IQSEC1: variants seen among roughly 807,000 people sequenced by gnomAD.
IQSEC1 encodes the protein IQ motif and SEC7 domain-containing protein 1.
In IQSEC1, 31 loss-of-function variants were observed where a neutral mutation model predicts 91.0. The observed-to-expected ratio is 0.34, with a 90% CI of 0.26 to 0.46. IQSEC1 has a LOEUF of 0.46. Among genes scored for constraint, IQSEC1 ranks in the 20% least tolerant of loss-of-function variants. The probability of loss-of-function intolerance (pLI) is 1.00; values close to 1 mark genes in which losing one functional copy is unlikely to be tolerated. For missense variants in IQSEC1, 1,388 were observed against 1,575.6 expected (o/e 0.88, Z 2.02); for synonymous variants, 699 against 662.6 (o/e 1.05, Z -0.84).
chr3:13,075,277 C>T (rs1705545702), upstream of IQSEC1, among the ~76,000 whole-genome samples: 1 of 152,140 alleles, frequency 6.6e-6, no homozygotes, highest in Admixed American at 6.5e-5. Flanking sequence ...TTCTCAGAAG[C>T]GCCCTACGAA....
rs529962759 is a variant in IQSEC1 at position 13,060,353 on chromosome 3, C to A, written c.23+12639G>T. On this transcript the variant is annotated intron_variant, in intron 1 of 13. Transcript: ENST00000613206. ...GAGTAGGAAGGCTGAAGAGGGCAGG[C>A]AATGGCTGAGTCCTGCAGTGAACAG... Among the ~76,000 whole-genome samples the A allele has an allele frequency of 2.7e-3, 407 of 152,250 alleles. 1 individual carries two copies. Among genetic ancestry groups the A allele is most frequent in the African/African-American group, 8.7e-3 (363 of 41,556 alleles).
At chr3:12,932,901 G>A (rs904906650) in intron 3 of IQSEC1, among the ~76,000 whole-genome samples, 5 of 152,208 alleles carry the variant, frequency 3.3e-5, no homozygotes, top group Admixed American at 6.5e-5. Context: ...GGTAGACCTC[G>A]GCAGCCCCCG....
intron 12 of IQSEC1, among the ~76,000 whole-genome samples, chr3:12,903,771 A>G (rs2600324): frequency 0.39 from 59,889 of 151,852 alleles, 12,308 homozygotes; most frequent in East Asian, 0.66. Flanking sequence ...GAAGAGGGAG[A>G]GAGAAACAGT....
rs1189811819 is a variant in IQSEC1 at position 12,940,585 on chromosome 3, CT to C, written c.318+985del. Among the ~76,000 whole-genome samples the C allele has an allele frequency of 1.3e-5, 2 of 151,642 alleles. No individual in the cohort carries two copies. The highest frequency in any genetic ancestry group is 4.8e-5 in the African/African-American group (2 of 41,244). ...GGCCAGCAGGGGCAGAGGCAGCTGC[CT>C]GGGCATCTGGAGGAGCTGTCTAGAG... On this transcript the variant is annotated intron_variant, in intron 2 of 13. Coordinates refer to ENST00000613206, the MANE Select transcript of IQSEC1 (RefSeq NM_001134382.3). The surrounding 1 kb of genome is among the most constrained non-coding windows in gnomAD (Gnocchi z 4.4).
At chr3:13,264,334 A>T (rs1393016898) in intron 1 of IQSEC1, among the ~76,000 whole-genome samples, 5 of 152,294 alleles carry the variant, frequency 3.3e-5, no homozygotes, top group Admixed American at 6.5e-5. Context: ...GGCTGCCGTG[A>T]TGCCCACCGG....
At chr3:13,047,658 C>G (rs75528281) in intron 1 of IQSEC1, 1 of 202,208 alleles carries the variant, frequency 4.9e-6, no homozygotes, top group African/African-American at 2.4e-5. Flanking sequence ...CTGGGAAGAG[C>G]GTCTGCCCCA....
chr3:13,127,968 G>A (rs1194812209), intron 2 of IQSEC1, among the ~76,000 whole-genome samples: 3 of 152,110 alleles, frequency 2.0e-5, no homozygotes, highest in Admixed American at 1.3e-4. Context: ...AATTTTTGCT[G>A]TTCTTATACA....
chr3:13,114,609 T>C (rs1254910579), intron 2 of IQSEC1, among the ~76,000 whole-genome samples: 1 of 151,890 alleles, frequency 6.6e-6, no homozygotes, highest in Admixed American at 6.6e-5. Flanking sequence ...CTGGGCAACA[T>C]GGTGAAACCC....
intron 1 of IQSEC1, among the ~76,000 whole-genome samples, chr3:13,191,452 A>G (rs1035996903): frequency 1.1e-4 from 16 of 146,280 alleles, no homozygotes; most frequent in Non-Finnish European, 2.4e-4. Context: ...TCCAGCCTGC[A>G]GCTCCCAGTC....
chr3:13,277,272 C>T (rs559986427), intron 1 of IQSEC1, among the ~76,000 whole-genome samples: 1 of 152,074 alleles, frequency 6.6e-6, no homozygotes, highest in Non-Finnish European at 1.5e-5. Context: ...CCAACGTGAC[C>T]GACCCCTCTC....
In IQSEC1 at chr3:12,935,289, C is replaced by G. The variant is rs1424862081; in HGVS notation, c.1568+159G>C. 1.3e-5 allele frequency among the ~76,000 whole-genome samples: 2 copies of G among 152,232 alleles called. No individual in the cohort carries two copies. Among genetic ancestry groups the G allele is most frequent in the Non-Finnish European group, 2.9e-5 (2 of 68,034 alleles). On this transcript the variant is annotated intron_variant, in intron 3 of 13. Transcript: ENST00000613206. The surrounding 1 kb of genome is among the most constrained non-coding windows in gnomAD (Gnocchi z 8.0). ...GAGGGGCTAGGCCTCAGCGCACAGG[C>G]TGGCACCGTCCTAGCCACCGACCTT...
intron 1 of IQSEC1, among the ~76,000 whole-genome samples, chr3:13,017,243 G>A (rs928034595): frequency 6.6e-6 from 1 of 152,156 alleles, no homozygotes; most frequent in Non-Finnish European, 1.5e-5. Flanking sequence ...TTGCCTGAAG[G>A]CATCTTCATT....
intron 3 of IQSEC1, among the ~76,000 whole-genome samples, chr3:12,925,877 G>A (rs1483572544): frequency 6.6e-6 from 1 of 152,246 alleles, no homozygotes; most frequent in Non-Finnish European, 1.5e-5. Flanking sequence ...ACCAGCCCTG[G>A]GAGCAGGCCC....
In IQSEC1 at chr3:12,924,606, T is replaced by G. The variant is rs1559628616; in HGVS notation, c.1705A>C (p.Lys569Gln). 2 of 1,608,852 alleles carry G rather than the reference T, an allele frequency of 1.2e-6. No individual in the cohort carries two copies. Among genetic ancestry groups the G allele is most frequent in the Admixed American group, 3.4e-5 (2 of 59,520 alleles). Residue 569 changes from lysine (K) to glutamine (Q), a missense_variant, in exon 4 of 14, where the codon AAG (lysine) becomes CAG (glutamine). This residue lies in a region of IQSEC1 where 1,059 missense variants were observed against 1,317.8 expected (regional missense o/e 0.80). Transcript: ENST00000613206. This position sits in a 1 kb window ranked among gnomAD's most constrained non-coding sequence, Gnocchi z 6.3. ...TCGAGCACGTCACGGTTGAACTGCT[T>G]CTGCCGGTTGCCCAGGAACTCGCCG... ...MIGEFLGNRQ[K>Q]QFNRDVLDCV...
chr3:13,237,903 G>A (rs1277836954), intron 1 of IQSEC1, among the ~76,000 whole-genome samples: 1 of 152,214 alleles, frequency 6.6e-6, no homozygotes, highest in Non-Finnish European at 1.5e-5. Flanking sequence ...CAGGGGGCGG[G>A]CCGAGGTCAC....
Position 12,940,961 on chromosome 3 carries a change from C to T in IQSEC1, c.318+610G>A, listed in dbSNP as rs573926646. Among the ~76,000 whole-genome samples the T allele has an allele frequency of 2.0e-5, 3 of 152,286 alleles. No homozygotes were observed. Among genetic ancestry groups the T allele is most frequent in the Admixed American group, 1.3e-4 (2 of 15,308 alleles). ...CCTCCCTCAAGCCCAGCCCTAGGCA[C>T]ACTGTGGGTCTGGGCCACCTCTAAG... is the stretch of plus-strand genomic sequence containing the variant. On this transcript the variant is annotated intron_variant, in intron 2 of 13. Transcript: ENST00000613206. This position sits in a 1 kb window ranked among gnomAD's most constrained non-coding sequence, Gnocchi z 4.4.
intron 1 of IQSEC1, among the ~76,000 whole-genome samples, chr3:13,070,032 G>C (rs1478591415): frequency 2.6e-5 from 4 of 151,752 alleles, no homozygotes; most frequent in Non-Finnish European, 5.9e-5. Flanking sequence ...GCTCCCTTGG[G>C]TGCACACCAG....
chr3:13,080,840 C>T (rs1705636871), intron 2 of IQSEC1, among the ~76,000 whole-genome samples: 1 of 152,178 alleles, frequency 6.6e-6, no homozygotes, highest in Non-Finnish European at 1.5e-5. Context: ...CTGCCCTCCT[C>T]CCCGGGGATC....
intron 1 of IQSEC1, among the ~76,000 whole-genome samples, chr3:13,012,545 C>T (rs1213448904): frequency 5.9e-5 from 9 of 152,244 alleles, no homozygotes; most frequent in African/African-American, 2.2e-4. Context: ...TTGCTCACCA[C>T]AGCCTGGGCC....
Sources: gnomAD v4.1 joint callset for allele counts (sites outside exome capture counted in the v4.1 genomes callset) on GRCh38, gnomAD v4.1.1 for gene constraint, gnomAD v4.1.1 regional missense constraint, Gnocchi (gnomAD v3.1) non-coding constraint, MANE v1.5 for transcripts, NCBI Gene and HGNC (gene_info 2026-07-23, HGNC 2026-07-21) for gene names.